The following KCNH8 variants were observed in gnomAD, a reference collection of about 807,000 sequenced individuals.
KCNH8 encodes potassium voltage-gated channel subfamily H member 8.
Under a neutral mutation model 103.6 loss-of-function variants are expected in KCNH8, and 70 were observed. The ratio of observed to expected loss-of-function variants is 0.68; its 90% CI spans 0.56 to 0.82. The LOEUF (loss-of-function observed/expected upper bound fraction) is 0.82. KCNH8 is among the 40% of genes least tolerant of loss of function. The pLI is 0.00. For synonymous variants in KCNH8, 498 were observed against 489.4 expected (o/e 1.02, Z -0.23); for missense variants, 1,217 against 1,329.9 (o/e 0.92, Z 1.32).
At chr3:19,419,655 T>C (rs537159030) in intron 7 of KCNH8, among the ~76,000 whole-genome samples, 26 of 152,084 alleles carry the variant, frequency 1.7e-4, no homozygotes, top group Admixed American at 4.6e-4. Context: ...CCAATTTTAA[T>C]TTCTCAGAAA....
intron 15 of KCNH8, among the ~76,000 whole-genome samples, chr3:19,520,692 A>G (rs1235112885): frequency 6.6e-6 from 1 of 151,982 alleles, no homozygotes; most frequent in African/African-American, 2.4e-5. Flanking sequence ...AGAAGAATTG[A>G]TAATAAATGT....
At chr3:19,356,217 C>T (rs1382106513) in intron 5 of KCNH8, among the ~76,000 whole-genome samples, 4 of 151,834 alleles carry the variant, frequency 2.6e-5, no homozygotes, top group African/African-American at 9.7e-5. Flanking sequence ...TTTGGAGAGT[C>T]ACAATACACT....
chr3:19,420,094 G>A (rs1180075751), intron 7 of KCNH8, among the ~76,000 whole-genome samples: 1 of 152,130 alleles, frequency 6.6e-6, no homozygotes, highest in Non-Finnish European at 1.5e-5. Flanking sequence ...AGTACCGCCT[G>A]TAAAATAGCA....
At chr3:19,321,221 T>G (rs1396853333) in intron 3 of KCNH8, among the ~76,000 whole-genome samples, 1 of 152,044 alleles carries the variant, frequency 6.6e-6, no homozygotes, top group Admixed American at 6.6e-5. Flanking sequence ...TTTCTTCTGC[T>G]GGGTTTGGGT....
chr3:19,223,947 G>T (rs983805196), intron 1 of KCNH8, among the ~76,000 whole-genome samples: 1 of 152,112 alleles, frequency 6.6e-6, no homozygotes, highest in Admixed American at 6.5e-5. Context: ...AGGGAAAGAT[G>T]TAAAATAAGT....
chr3:19,360,606 C>A (rs1391871546), intron 5 of KCNH8, among the ~76,000 whole-genome samples: 1 of 152,032 alleles, frequency 6.6e-6, no homozygotes, highest in African/African-American at 2.4e-5. Context: ...ACAATGTTTT[C>A]TAACCCAACA....
At chr3:19,360,907 TG>T (rs1241021700) in intron 5 of KCNH8, among the ~76,000 whole-genome samples, 1 of 152,030 alleles carries the variant, frequency 6.6e-6, no homozygotes, top group Non-Finnish European at 1.5e-5. Context: ...GAGGTACAAG[TG>T]GACATAGAAT....
intron 1 of KCNH8, among the ~76,000 whole-genome samples, chr3:19,245,664 T>C (rs2064195431): frequency 6.6e-6 from 1 of 152,204 alleles, no homozygotes. Context: ...TTTAACTCTT[T>C]AGTTAGTTGT....
At chr3:19,354,917 A>G (rs1252336701) in intron 5 of KCNH8, among the ~76,000 whole-genome samples, 1 of 152,222 alleles carries the variant, frequency 6.6e-6, no homozygotes, top group African/African-American at 2.4e-5. Context: ...TGCACTGCAA[A>G]AGAAACTACC....
chr3:19,209,592 C>T (rs2063749796), intron 1 of KCNH8, among the ~76,000 whole-genome samples: 1 of 151,892 alleles, frequency 6.6e-6, no homozygotes, highest in African/African-American at 2.4e-5. Flanking sequence ...TTAAATTATC[C>T]AAGATATTTG....
At chr3:19,241,713 T>TAC (rs566476894) in intron 1 of KCNH8, among the ~76,000 whole-genome samples, 2 of 134,410 alleles carry the variant, frequency 1.5e-5, no homozygotes, top group African/African-American at 5.7e-5. Flanking sequence ...GTTATAAAAA[T>TAC]ACACACACAG....
chr3:19,500,484 T>C (rs1206773691), intron 11 of KCNH8, among the ~76,000 whole-genome samples: 1 of 87,518 alleles, frequency 1.1e-5, no homozygotes, highest in Admixed American at 1.0e-4. Flanking sequence ...AGAATATACA[T>C]TTTTTTCAGC....
chr3:19,368,182 A>G (rs896133291), intron 5 of KCNH8, among the ~76,000 whole-genome samples: 1 of 152,022 alleles, frequency 6.6e-6, no homozygotes, highest in African/African-American at 2.4e-5. Context: ...GGGTTATGAA[A>G]AGCATATTGA....
chr3:19,354,553 A>G (rs975403265), intron 5 of KCNH8, among the ~76,000 whole-genome samples: 23 of 152,196 alleles, frequency 1.5e-4, no homozygotes, highest in African/African-American at 5.6e-4. Flanking sequence ...ATGGAACAGA[A>G]CAGAGCCCTC....
At chr3:19,486,483 G>A (rs1328717948) in intron 11 of KCNH8, among the ~76,000 whole-genome samples, 1 of 152,202 alleles carries the variant, frequency 6.6e-6, no homozygotes, top group Non-Finnish European at 1.5e-5. Flanking sequence ...AGGGCCCTTA[G>A]ACATGGTGGC....
chr3:19,433,997 A>G (rs1234097964), intron 7 of KCNH8, among the ~76,000 whole-genome samples: 2 of 152,200 alleles, frequency 1.3e-5, no homozygotes, highest in Non-Finnish European at 2.9e-5. Context: ...TAATGTACCA[A>G]TGTTAATTTT....
At chr3:19,185,013 A>G (rs1038483173) in intron 1 of KCNH8, among the ~76,000 whole-genome samples, 2 of 151,906 alleles carry the variant, frequency 1.3e-5, no homozygotes, top group Non-Finnish European at 2.9e-5. Flanking sequence ...TACTTGGTTT[A>G]TCCATATACC....
At chr3:19,346,679 A>G (rs2065734100) in intron 4 of KCNH8, 1 of 456,406 alleles carries the variant, frequency 2.2e-6, no homozygotes, top group African/African-American at 2.0e-5. Context: ...AACACATCAC[A>G]TTAATCTGCC....
chr3:19,332,622 G>A (rs1317276716), intron 3 of KCNH8, among the ~76,000 whole-genome samples: 1 of 151,800 alleles, frequency 6.6e-6, no homozygotes. Context: ...TAGATTGACT[G>A]TTTTTCTTTT....
Sources: gnomAD v4.1 joint callset for allele counts (sites outside exome capture counted in the v4.1 genomes callset) on GRCh38, gnomAD v4.1.1 for gene constraint, MANE v1.5 for transcripts, NCBI Gene and HGNC (gene_info 2026-07-23, HGNC 2026-07-21) for gene names.